Variants in SPTA1 observed in about 807,000 individuals in gnomAD.
SPTA1 encodes the protein spectrin alpha chain, erythrocytic 1.
In SPTA1, 177 loss-of-function variants were observed where a neutral mutation model predicts 324.7. The observed-to-expected ratio is 0.55, with a 90% CI of 0.48 to 0.62. The LOEUF is 0.62. Among genes scored for constraint, SPTA1 ranks in the 20% least tolerant of loss-of-function variants. SPTA1 has a pLI of 0.00. For synonymous variants in SPTA1, 1,195 were observed against 1,041.3 expected, an observed-to-expected ratio of 1.15 and a Z score of -2.84; for missense variants, 3,162 against 2,883.6, an observed-to-expected ratio of 1.10 and a Z score of -2.21.
rs73020249 is a variant in SPTA1, at chr1:158,669,139, C to T, written c.1833+269G>A. Among the ~76,000 whole-genome samples, 912 of 152,226 alleles carry T rather than the reference C, an allele frequency of 6.0e-3. 8 individuals are homozygous for T. The highest frequency in any genetic ancestry group is 0.021 in the African/African-American group (863 of 41,526). ...CAGCTCAATAAGGAACATTCCCTACCTTCCCCCATTTGGCTAAGAATCACC... is the reference window on the plus strand; with the variant it reads ...CAGCTCAATAAGGAACATTCCCTACTTTCCCCCATTTGGCTAAGAATCACC... On this transcript the variant is annotated intron_variant, in intron 14 of 51. Transcript: ENST00000643759.
At chr1:158,612,777 TAGGATGAC>T (rs776262158) in intron 51 of SPTA1, 32 bp downstream of exon 51, 1 of 1,612,756 alleles carries the variant, frequency 6.2e-7, no homozygotes, top group Admixed American at 1.7e-5. Context: ...GAATTCAAAT[TAGGATGAC>T]AGTGTAGTAG....
Position 158,615,298 on chromosome 1 carries a change from T to A in SPTA1, c.6706A>T (p.Ile2236Phe). Residue 2236 changes from isoleucine (I) to phenylalanine (F), a missense_variant, in exon 48 of 52, where the codon ATT (isoleucine) becomes TTT (phenylalanine). Ile to Phe is a conservative substitution (Grantham distance 21). Coordinates refer to ENST00000643759, the MANE Select transcript of SPTA1 (RefSeq NM_003126.4). ...TGGTCCCACTGCTGAGCCAATCCAA[T>A]GGTGCTGTATTTGATATCAAGGATC... Reference protein sequence around the residue: ...ALILDIKYSTIGLAQQWDQLY... With the variant: ...ALILDIKYSTFGLAQQWDQLY... 6.2e-7 allele frequency: 1 copy of A among 1,614,042 alleles called. No individual in the cohort carries two copies. The highest frequency in any genetic ancestry group is 8.5e-7 in the Non-Finnish European group (1 of 1,180,006).
At chr1:158,612,745 G>T in intron 51 of SPTA1, 72 bp downstream of exon 51, 1 of 1,573,208 alleles carries the variant, frequency 6.4e-7, no homozygotes, top group Non-Finnish European at 8.7e-7. Context: ...TTCAAAGTAG[G>T]CCACCGGGCC....
At position 158,611,166 on chromosome 1, in the gene SPTA1, C is replaced by CACAT. The variant is rs1553221961; in HGVS notation, c.*97_*98insATGT. The CACAT allele has an allele frequency of 2.0e-5, 28 of 1,387,602 alleles. No homozygotes were observed. The highest frequency in any genetic ancestry group is 3.8e-4 in the Middle Eastern group (2 of 5,246). The allele number at this position is 1,387,602 out of a possible 1,614,324, so 86.0% of individuals were successfully genotyped here. On this transcript the variant is annotated 3_prime_UTR_variant, in exon 52 of 52. Transcript: ENST00000643759. ...ACACACACACACACACACACACACA[C>CACAT]GAGGCCATCTTTATCTTCCACATTT...
In SPTA1 at chr1:158,654,731, T is replaced by C. The variant is rs1033799061; in HGVS notation, c.2916A>G (p.Pro972=). 7 of 1,613,664 alleles carry C rather than the reference T, an allele frequency of 4.3e-6. No homozygotes were observed. Among genetic ancestry groups the C allele is most frequent in the Non-Finnish European group, 5.9e-6 (7 of 1,179,958 alleles). ...TTTGTTCTCCAGCAACTCCCTCCAC[T>C]GGTGCAGCCTGTTGTTGCTGAATAA... is the stretch of plus-strand genomic sequence containing the variant. ...ANACQQQQAA[P]VEGVAGEQRV... Residue 972 remains proline (P), a synonymous_variant, in exon 21 of 52, where the codon CCA becomes CCG. Coordinates refer to ENST00000643759, the MANE Select transcript of SPTA1 (RefSeq NM_003126.4).
intron 42 of SPTA1, among the ~76,000 whole-genome samples, chr1:158,623,621 T>C (rs1387031999): frequency 9.9e-5 from 15 of 152,208 alleles, no homozygotes; most frequent in Admixed American, 9.8e-4. Flanking sequence ...GCAGCACTTC[T>C]TTCTGCTGCC....
chr1:158,622,580 C>G (rs1401786849), intron 43 of SPTA1: 2 of 217,368 alleles, frequency 9.2e-6, no homozygotes, highest in African/African-American at 4.7e-5. Context: ...AGGTCTTCAA[C>G]CTAGGAAAGC....
At chr1:158,663,738 C>G (rs1279351891) in intron 16 of SPTA1, among the ~76,000 whole-genome samples, 2 of 152,052 alleles carry the variant, frequency 1.3e-5, no homozygotes, top group Admixed American at 6.6e-5. Context: ...AGGACAAATA[C>G]CTAATGCATG....
chr1:158,621,707 A>G (rs1649920749), intron 43 of SPTA1, among the ~76,000 whole-genome samples: 1 of 152,142 alleles, frequency 6.6e-6, no homozygotes, highest in Non-Finnish European at 1.5e-5. Flanking sequence ...TGTAGGCCCT[A>G]TGTTTTTCAA....
chr1:158,627,569 G>T, intron 40 of SPTA1, 56 bp downstream of exon 40: 1 of 1,507,424 alleles, frequency 6.6e-7, no homozygotes, highest in Non-Finnish European at 9.2e-7. Context: ...TTCTACATTT[G>T]GGCCAGTCCC....
At chr1:158,616,136 T>A (rs1342852560) in intron 47 of SPTA1, among the ~76,000 whole-genome samples, 1 of 152,198 alleles carries the variant, frequency 6.6e-6, no homozygotes, top group Admixed American at 6.5e-5. Context: ...ATATAATAGA[T>A]GTACATACTT....
chr1:158,648,544 C>T lies in SPTA1; in HGVS notation c.3679G>A (p.Gly1227Ser), dbSNP rs1215787455. 3 of 1,613,850 alleles carry T rather than the reference C, an allele frequency of 1.9e-6. No homozygotes were observed. The highest frequency in any genetic ancestry group is 2.5e-6 in the Non-Finnish European group (3 of 1,179,972). ...SVQALQRRHE[G>S]FERDLVPLGD... ...AGGGGTACGAGGTCCCTTTCAAAGC[C>T]CTCATGCCGTCGCTGAAGAGCCTGA... is the stretch of plus-strand genomic sequence containing the variant. The change falls in exon 26 of 52, where the codon GGC becomes AGC. Residue 1227 changes from glycine to serine, a missense_variant. By Grantham distance (56) the Gly-to-Ser change is moderately conservative. Coordinates refer to ENST00000643759, the MANE Select transcript of SPTA1 (RefSeq NM_003126.4).
In SPTA1 at chr1:158,669,574, C is replaced by T; in HGVS notation, c.1678-11G>A. On this transcript the variant is annotated splice_polypyrimidine_tract_variant and intron_variant, in intron 13 of 51. Coordinates refer to ENST00000643759, the MANE Select transcript of SPTA1 (RefSeq NM_003126.4). Reference sequence around the variant, plus strand: ...CCGCCGGGCTAACAGCTGCAAAAACCATGAGTAAACTTACTGTCAGCACAA... The same window carrying T: ...CCGCCGGGCTAACAGCTGCAAAAACTATGAGTAAACTTACTGTCAGCACAA... The T allele has an allele frequency of 6.2e-7, 1 of 1,614,124 alleles. No homozygotes were observed. Among genetic ancestry groups the T allele is most frequent in the Non-Finnish European group, 8.5e-7 (1 of 1,180,000 alleles).
At chr1:158,627,601 G>A in intron 40 of SPTA1, 24 bp downstream of exon 40, 1 of 1,609,062 alleles carries the variant, frequency 6.2e-7, no homozygotes, top group South Asian at 1.1e-5. Flanking sequence ...GGAAGTTTGA[G>A]CTGGAATTCC....
At chr1:158,643,572 G>C in intron 30 of SPTA1, 147 bp from the exon 31 acceptor site, 2 of 819,148 alleles carry the variant, frequency 2.4e-6, no homozygotes, top group Non-Finnish European at 4.0e-6. Context: ...TTACAGGGAG[G>C]TGGGTTTCAA....
rs200695993 is a variant in SPTA1, at chr1:158,619,363, C to T, written c.6418-29G>A. ...AAACCCCAAATCACAGACAACGTGA[C>T]TGACATCGAAGGCCTTTCTTTGCCA... On this transcript the variant is annotated intron_variant, in intron 44 of 51. Transcript: ENST00000643759. 22 of 1,609,450 alleles carry T rather than the reference C, an allele frequency of 1.4e-5. No individual in the cohort carries two copies. In the African/African-American group the frequency reaches 2.7e-4, roughly 20 times the overall value.
chr1:158,622,956 T>C, intron 43 of SPTA1, 27 bp downstream of exon 43: 1 of 1,588,222 alleles, frequency 6.3e-7, no homozygotes, highest in Non-Finnish European at 8.6e-7. Context: ...AACAGAGAAC[T>C]GATCATGCCT....
At position 158,644,267 on chromosome 1, in the gene SPTA1, C is replaced by A; in HGVS notation, c.4324G>T (p.Ala1442Ser). 1 of 1,613,812 alleles carries A rather than the reference C, an allele frequency of 6.2e-7. No homozygotes were observed. The highest frequency in any genetic ancestry group is 8.5e-7 in the Non-Finnish European group (1 of 1,179,866). ...LMKKRDDLDK[A>S]ITAQEGKITD... Reference sequence around the variant, plus strand: ...GTCATTATTACCTGGGCAGTGATTGCTTTGTCCAAATCGTCCCGTTTCTTC... The same window carrying A: ...GTCATTATTACCTGGGCAGTGATTGATTTGTCCAAATCGTCCCGTTTCTTC... Residue 1442 changes from alanine to serine, a missense_variant, in exon 30 of 52, where the codon GCA becomes TCA. Transcript: ENST00000643759.
chr1:158,633,877 A>T (rs1557937233), intron 39 of SPTA1, among the ~76,000 whole-genome samples: 1 of 152,100 alleles, frequency 6.6e-6, no homozygotes, highest in African/African-American at 2.4e-5. Flanking sequence ...GCCTTTCCTT[A>T]TGTCATCACA....
Sources: gnomAD v4.1 joint callset for allele counts (sites outside exome capture counted in the v4.1 genomes callset) on GRCh38, gnomAD v4.1.1 for gene constraint, MANE v1.5 for transcripts, NCBI Gene and HGNC (gene_info 2026-07-23, HGNC 2026-07-21) for gene names.